MARCHF5: variants seen among roughly 807,000 people sequenced by gnomAD.
The protein encoded by MARCHF5 is E3 ubiquitin-protein ligase MARCHF5.
In MARCHF5, 5 loss-of-function variants were observed where a neutral mutation model predicts 36.5. The observed-to-expected ratio is 0.14, with a 90% CI of 0.07 to 0.29. The LOEUF (loss-of-function observed/expected upper bound fraction) is 0.29. Among genes scored for constraint, MARCHF5 ranks in the 10% least tolerant of loss-of-function variants. The probability of loss-of-function intolerance (pLI) is 1.00; values close to 1 mark genes in which losing one functional copy is unlikely to be tolerated. For missense variants in MARCHF5, 179 were observed against 336.3 expected (o/e 0.53, Z 3.66); for synonymous variants, 103 against 109.9 (o/e 0.94, Z 0.39).
intron 2 of MARCHF5, among the ~76,000 whole-genome samples, chr10:92,339,415 AT>A (rs1231235899): frequency 6.6e-6 from 1 of 150,670 alleles, no homozygotes; most frequent in Non-Finnish European, 1.5e-5. Context: ...CACACCTGTA[AT>A]CCCAGCACTT....
chr10:92,339,443 G>A (rs903108573), intron 2 of MARCHF5, among the ~76,000 whole-genome samples: 2 of 152,116 alleles, frequency 1.3e-5, no homozygotes, highest in Non-Finnish European at 2.9e-5. Flanking sequence ...GCTGAGGCGG[G>A]TGGATCACCT....
intron 1 of MARCHF5, among the ~76,000 whole-genome samples, chr10:92,296,414 T>G (rs1293791995): frequency 5.9e-5 from 9 of 152,182 alleles, no homozygotes; most frequent in African/African-American, 2.2e-4. Context: ...CTCTTCTGTC[T>G]TTCATTGCTT....
At chr10:92,311,435 G>A (rs779391768) in intron 2 of MARCHF5, 98 bp downstream of exon 2, 40 of 783,594 alleles carry the variant, frequency 5.1e-5, no homozygotes, top group Non-Finnish European at 7.3e-5. Context: ...TTTTTAGGGT[G>A]TGAATTTCTA....
At chr10:92,321,279 A>G (rs760561851) in intron 2 of MARCHF5, among the ~76,000 whole-genome samples, 10 of 152,092 alleles carry the variant, frequency 6.6e-5, no homozygotes, top group Non-Finnish European at 1.3e-4. Flanking sequence ...CAGGTTGAGG[A>G]TGTCCCATCT....
chr10:92,294,340 A>G (rs1401013618), intron 1 of MARCHF5, among the ~76,000 whole-genome samples: 1 of 152,214 alleles, frequency 6.6e-6, no homozygotes, highest in East Asian at 1.9e-4. Flanking sequence ...AGCAAATGAA[A>G]CATACATCTC....
chr10:92,306,387 G>A (rs1272486970), intron 1 of MARCHF5, among the ~76,000 whole-genome samples: 1 of 152,120 alleles, frequency 6.6e-6, no homozygotes, highest in African/African-American at 2.4e-5. Flanking sequence ...GGTTGGTTAT[G>A]GTATTCACTG....
At chr10:92,327,454 T>C (rs906457441) in intron 2 of MARCHF5, among the ~76,000 whole-genome samples, 1 of 152,180 alleles carries the variant, frequency 6.6e-6, no homozygotes, top group African/African-American at 2.4e-5. Context: ...TTTACTGTTA[T>C]AGACAGTACT....
intron 1 of MARCHF5, among the ~76,000 whole-genome samples, chr10:92,293,596 C>A: frequency 6.6e-6 from 1 of 150,538 alleles, no homozygotes; most frequent in Non-Finnish European, 1.5e-5. Flanking sequence ...CATGGTGAAA[C>A]CCTGTCTCTA....
chr10:92,325,501 C>T (rs541196460), intron 2 of MARCHF5, among the ~76,000 whole-genome samples: 9 of 152,238 alleles, frequency 5.9e-5, no homozygotes, highest in African/African-American at 2.2e-4. Flanking sequence ...ATAATTGTTA[C>T]GTCGTCCTGA....
chr10:92,291,399 C>T lies in MARCHF5; in HGVS notation c.-96C>T. 8.8e-7 allele frequency: 1 copy of T among 1,141,512 alleles called. No homozygotes were observed. The highest frequency in any genetic ancestry group is 1.3e-6 in the Non-Finnish European group (1 of 780,492). 70.7% of individuals were successfully genotyped at this position (1,141,512 alleles called of 1,614,324 possible). A position where few individuals can be genotyped will look rare whatever the true frequency, so the allele number is the denominator to read the frequency against. On this transcript the variant is annotated 5_prime_UTR_variant, in exon 1 of 6. Transcript: ENST00000358935. ...TGACGGGTTCGCGGCTGCCGCCGGACTGCGGCCTACTCCGCCGCCTCTCAG... is the reference window on the plus strand; with the variant it reads ...TGACGGGTTCGCGGCTGCCGCCGGATTGCGGCCTACTCCGCCGCCTCTCAG...
At chr10:92,332,415 G>A (rs1843446432) in intron 2 of MARCHF5, among the ~76,000 whole-genome samples, 1 of 151,950 alleles carries the variant, frequency 6.6e-6, no homozygotes, top group Non-Finnish European at 1.5e-5. Context: ...CGACTTTTCT[G>A]GGGCTCTTGG....
At chr10:92,332,665 C>T (rs1168503099) in intron 2 of MARCHF5, among the ~76,000 whole-genome samples, 11 of 151,392 alleles carry the variant, frequency 7.3e-5, no homozygotes, top group African/African-American at 1.5e-4. Flanking sequence ...GGATTACAGG[C>T]GCACGCCACC....
intron 1 of MARCHF5, among the ~76,000 whole-genome samples, chr10:92,294,279 C>T (rs1385761022): frequency 6.6e-6 from 1 of 152,184 alleles, no homozygotes; most frequent in African/African-American, 2.4e-5. Context: ...TAGATTCTGA[C>T]ACTATGTATA....
rs567234288 is a variant in MARCHF5 at position 92,294,910 on chromosome 10, A to G, written c.35+3381A>G. ...AAAATTAGGCCAGGCCTGGTGGCAC[A>G]TGCCTGTGGTCCCAAATATTCAGGA... On this transcript the variant is annotated intron_variant, in intron 1 of 5. Transcript: ENST00000358935. Among the ~76,000 whole-genome samples the G allele has an allele frequency of 4.6e-5, 7 of 152,216 alleles. 1 individual carries two copies. In the South Asian group the frequency reaches 1.2e-3, roughly 27 times the overall value.
At position 92,302,284 on chromosome 10, in the gene MARCHF5, A is replaced by G. The variant is rs547623837; in HGVS notation, c.36-8851A>G. Among the ~76,000 whole-genome samples the G allele has an allele frequency of 1.4e-3, 215 of 152,198 alleles. 2 individuals are homozygous for G. The highest frequency in any genetic ancestry group is 4.9e-3 in the African/African-American group (203 of 41,548). The stretch of plus-strand genomic sequence containing the variant: ...TTGGTAATGTGTCATGATTGTGGTT[A>G]TATGTCTTTGATAGATCCAGGTACT... On this transcript the variant is annotated intron_variant, in intron 1 of 5. Transcript: ENST00000358935.
chr10:92,314,169 G>A (rs7917629), intron 2 of MARCHF5, among the ~76,000 whole-genome samples: 12,025 of 151,954 alleles, frequency 0.079, 1,556 homozygotes, highest in African/African-American at 0.28. Context: ...CTATGATTGC[G>A]CCACTACCCT....
At chr10:92,319,039 T>C in intron 2 of MARCHF5, among the ~76,000 whole-genome samples, 1 of 152,130 alleles carries the variant, frequency 6.6e-6, no homozygotes, top group East Asian at 1.9e-4. Flanking sequence ...CGTACTACAC[T>C]GTACTTAATG....
intron 2 of MARCHF5, among the ~76,000 whole-genome samples, chr10:92,322,272 A>AT (rs1843298873): frequency 7.4e-6 from 1 of 134,276 alleles, no homozygotes; most frequent in Non-Finnish European, 1.6e-5. Flanking sequence ...AAAAAAAAAA[A>AT]GATTTGTCAG....
Position 92,351,464 on chromosome 10 carries a change from G to A in MARCHF5, c.*257G>A, listed in dbSNP as rs2135224631. 3.7e-6 allele frequency: 1 copy of A among 266,736 alleles called. No homozygotes were observed. The highest frequency in any genetic ancestry group is 5.3e-5 in the Admixed American group (1 of 18,976). 16.5% of individuals were successfully genotyped at this position (266,736 alleles called of 1,614,324 possible). On this transcript the variant is annotated 3_prime_UTR_variant, in exon 6 of 6. Coordinates refer to ENST00000358935, the MANE Select transcript of MARCHF5 (RefSeq NM_017824.5). Reference sequence around the variant, plus strand: ...CCATTATCTTAGCATGGTAAACCTGGGTTTTGTTCATATTTTCTCCAGACA... The same window carrying A: ...CCATTATCTTAGCATGGTAAACCTGAGTTTTGTTCATATTTTCTCCAGACA...
Sources: gnomAD v4.1 joint callset for allele counts (sites outside exome capture counted in the v4.1 genomes callset) on GRCh38, gnomAD v4.1.1 for gene constraint, MANE v1.5 for transcripts, NCBI Gene and HGNC (gene_info 2026-07-23, HGNC 2026-07-21) for gene names.